The following BAIAP2L2 variants were observed in gnomAD, a reference collection of about 807,000 sequenced individuals.
BAIAP2L2 encodes the protein BAR/IMD domain-containing adapter protein 2-like 2.
In BAIAP2L2, 65 loss-of-function variants were observed where a neutral mutation model predicts 60.4. The observed-to-expected ratio is 1.08, with a 90% CI of 0.88 to 1.32. The LOEUF (loss-of-function observed/expected upper bound fraction) is 1.32. Ranked by LOEUF, BAIAP2L2 falls within the 40% of genes most tolerant of loss-of-function variation. The pLI is 0.00. For missense variants in BAIAP2L2, 836 were observed against 741.2 expected (o/e 1.13, Z -1.48); for synonymous variants, 344 against 301.7 (o/e 1.14, Z -1.45).
chr22:38,098,368 T>C, intron 5 of BAIAP2L2, 43 bp downstream of exon 5: 1 of 1,590,014 alleles, frequency 6.3e-7, no homozygotes, highest in African/African-American at 1.3e-5. Flanking sequence ...GAGGGGGTCC[T>C]GCCTGCAGTG....
Position 38,097,056 on chromosome 22 carries a change from G to T in BAIAP2L2, c.588C>A (p.Asn196Lys). 1 of 1,613,828 alleles carries T rather than the reference G, an allele frequency of 6.2e-7. No individual in the cohort carries two copies. The highest frequency in any genetic ancestry group is 8.5e-7 in the Non-Finnish European group (1 of 1,179,852). ...CCCGGCCGAAGAACTGCAGGAAGGT[G>T]TTGGAAAGTAGCAGGTGCTTCTCTG... ...FLAEKHLLLS[N>K]TFLQFFGRAR... Residue 196 changes from asparagine to lysine, a missense_variant, in exon 7 of 14, where the codon AAC becomes AAA. By Grantham distance (94) the Asn-to-Lys change is moderately conservative (BLOSUM62 0). Coordinates refer to ENST00000381669, the MANE Select transcript of BAIAP2L2 (RefSeq NM_025045.6).
Position 38,098,502 on chromosome 22 carries a change from AG to A in BAIAP2L2, c.277-21del. ...CTGCACCTGAGCGGAGTGCAGGGTG[AG>A]GGTGATCAAGGCCCCCCTACTGTTC... On this transcript the variant is annotated intron_variant, in intron 4 of 13. Transcript: ENST00000381669. The A allele has an allele frequency of 6.2e-7, 1 of 1,603,500 alleles. No individual in the cohort carries two copies. The highest frequency in any genetic ancestry group is 2.2e-5 in the East Asian group (1 of 44,636).
intron 4 of BAIAP2L2, among the ~76,000 whole-genome samples, chr22:38,106,997 G>T (rs1220940292): frequency 7.2e-5 from 11 of 152,200 alleles, no homozygotes; most frequent in Non-Finnish European, 1.0e-4. Flanking sequence ...GGGGCAGTAA[G>T]TAGGGGCCAG....
intron 7 of BAIAP2L2, 145 bp downstream of exon 7, chr22:38,096,887 T>G: frequency 2.1e-6 from 2 of 940,162 alleles, no homozygotes; most frequent in Non-Finnish European, 3.1e-6. Flanking sequence ...AAGAAATGGA[T>G]GGAGATAGCA....
intron 7 of BAIAP2L2, among the ~76,000 whole-genome samples, chr22:38,095,054 G>A (rs920298410): frequency 6.6e-6 from 1 of 152,222 alleles, no homozygotes; most frequent in Non-Finnish European, 1.5e-5. Context: ...GGGAGGCTGA[G>A]GCAGGAGAAT....
At chr22:38,094,382 C>T (rs953502326) in intron 7 of BAIAP2L2, among the ~76,000 whole-genome samples, 1 of 152,136 alleles carries the variant, frequency 6.6e-6, no homozygotes, top group African/African-American at 2.4e-5. Flanking sequence ...GACGGGTTTT[C>T]ACCATGTTGG....
At position 38,100,277 on chromosome 22, in the gene BAIAP2L2, C is replaced by T. The variant is rs990853276; in HGVS notation, c.277-1795G>A. ...TTAAATTTTGTGAACTCAGGCCAGG[C>T]GTGGTGGCTCACACCTGCAATCCCA... On this transcript the variant is annotated intron_variant, in intron 4 of 13. Transcript: ENST00000381669. Among the ~76,000 whole-genome samples, 19 of 152,114 alleles carry T rather than the reference C, an allele frequency of 1.2e-4. No individual in the cohort carries two copies. In the East Asian group the frequency reaches 2.7e-3, roughly 22 times the overall value.
At chr22:38,095,271 A>AGTGGAGGATGGGAAGG (rs2086402169) in intron 7 of BAIAP2L2, among the ~76,000 whole-genome samples, 1 of 152,236 alleles carries the variant, frequency 6.6e-6, no homozygotes. Flanking sequence ...AAAACCAGGA[A>AGTGGAGGATGGGAAGG]GTGGAGGATG....
intron 6 of BAIAP2L2, among the ~76,000 whole-genome samples, chr22:38,097,493 G>A (rs1360494447): frequency 1.3e-5 from 2 of 152,206 alleles, no homozygotes; most frequent in African/African-American, 4.8e-5. Flanking sequence ...GGTTTAATGA[G>A]AATATGAATG....
intron 1 of BAIAP2L2, 110 bp from the exon 2 acceptor site, chr22:38,109,318 T>A: frequency 1.2e-6 from 1 of 846,898 alleles, no homozygotes; most frequent in Non-Finnish European, 1.9e-6. Flanking sequence ...CCCAGCCCAG[T>A]GAGAAGCCCC....
At chr22:38,103,387 G>A (rs996422041) in intron 4 of BAIAP2L2, among the ~76,000 whole-genome samples, 1 of 152,208 alleles carries the variant, frequency 6.6e-6, no homozygotes, top group African/African-American at 2.4e-5. Flanking sequence ...GATCAAGCCA[G>A]TGGCAATGAG....
chr22:38,104,996 G>A (rs1165779002), intron 4 of BAIAP2L2, among the ~76,000 whole-genome samples: 2 of 152,100 alleles, frequency 1.3e-5, no homozygotes, highest in African/African-American at 4.8e-5. Flanking sequence ...GGTAGTTTCA[G>A]GTCTGGTTTG....
intron 12 of BAIAP2L2, 78 bp from the exon 13 acceptor site, chr22:38,085,810 ATGCCCAAGGGCAGAGGAC>A (rs1266388986): frequency 1.5e-6 from 2 of 1,363,928 alleles, no homozygotes; most frequent in African/African-American, 1.5e-5. Flanking sequence ...CCCTCTCCCC[ATGCCCAAGGGCAGAGGAC>A]TGGGCCAGAG....
At position 38,088,721 on chromosome 22, in the gene BAIAP2L2, C is replaced by G. The variant is rs776063111; in HGVS notation, c.1118+27G>C. 9 of 1,510,596 alleles carry G rather than the reference C, an allele frequency of 6.0e-6. No homozygotes were observed. The South Asian group carries it at 9.3e-5, about 16-fold the overall frequency. 93.6% of individuals were successfully genotyped at this position (1,510,596 alleles called of 1,614,324 possible). A position where few individuals can be genotyped will look rare whatever the true frequency, so the allele number is the denominator to read the frequency against. On this transcript the variant is annotated intron_variant, in intron 10 of 13. Transcript: ENST00000381669. ...CCCAGGGCCTTCTTCTCAACCCACC[C>G]CCGGCCCCTCCAAGGCTCCCACTCA...
Position 38,095,945 on chromosome 22 carries a change from T to C in BAIAP2L2, c.612+1087A>G, listed in dbSNP as rs924804925. On this transcript the variant is annotated intron_variant, in intron 7 of 13. Transcript: ENST00000381669. The stretch of plus-strand genomic sequence containing the variant: ...GAAAAAGAGGAAATGACAAAGTAAA[T>C]ACAGTTAGCTCAAGTTATCTAAAAG... Among the ~76,000 whole-genome samples, 3 of 152,084 alleles carry C rather than the reference T, an allele frequency of 2.0e-5. No homozygotes were observed. In the East Asian group the frequency reaches 5.8e-4, roughly 29 times the overall value.
chr22:38,108,240 G>A lies in BAIAP2L2; in HGVS notation c.214+15C>T. On this transcript the variant is annotated intron_variant, in intron 3 of 13. Transcript: ENST00000381669. The stretch of plus-strand genomic sequence containing the variant: ...GGGCCCAAGAATGGGGTCTGCTGTG[G>A]AGGGGGAGCCTCACCCAGAATCTGT... The A allele has an allele frequency of 6.2e-7, 1 of 1,608,968 alleles. No individual in the cohort carries two copies.
At chr22:38,106,998 T>C (rs1045336254) in intron 4 of BAIAP2L2, among the ~76,000 whole-genome samples, 1 of 152,122 alleles carries the variant, frequency 6.6e-6, no homozygotes, top group African/African-American at 2.4e-5. Flanking sequence ...GGGCAGTAAG[T>C]AGGGGCCAGG....
At chr22:38,103,642 C>A (rs2086608018) in intron 4 of BAIAP2L2, among the ~76,000 whole-genome samples, 1 of 152,058 alleles carries the variant, frequency 6.6e-6, no homozygotes, top group South Asian at 2.1e-4. Context: ...CTGGGCAGAT[C>A]ATCTGAGGTT....
intron 1 of BAIAP2L2, among the ~76,000 whole-genome samples, chr22:38,110,209 C>T (rs112345193): frequency 0.054 from 7,987 of 147,206 alleles, 773 homozygotes; most frequent in African/African-American, 0.19. Context: ...CAGCCAGGCC[C>T]TTCTCATCCA....
Sources: allele counts gnomAD v4.1 joint callset (sites outside exome capture counted in the v4.1 genomes callset), GRCh38; gene constraint gnomAD v4.1.1; transcripts MANE v1.5; gene names NCBI Gene and HGNC (gene_info 2026-07-23, HGNC 2026-07-21).